Variants in SDCCAG8 observed in about 807,000 individuals in gnomAD.
SDCCAG8 encodes the protein SHH signaling and ciliogenesis regulator SDCCAG8, also known as serologically defined colon cancer antigen 8.
A neutral mutation model predicts 101.8 loss-of-function variants in SDCCAG8; 74 were observed. The observed-to-expected ratio is 0.73, with a 90% CI of 0.60 to 0.88. SDCCAG8 has a LOEUF of 0.88. SDCCAG8 is among the 40% of genes least tolerant of loss of function. The pLI is 0.00. For missense variants in SDCCAG8, 787 were observed against 822.6 expected (o/e 0.96, Z 0.53); for synonymous variants, 281 against 292.9 (o/e 0.96, Z 0.41).
chr1:243,496,403 T>C (rs1417366784), intron 17 of SDCCAG8, among the ~76,000 whole-genome samples: 1 of 152,178 alleles, frequency 6.6e-6, no homozygotes, highest in Non-Finnish European at 1.5e-5. Context: ...AGGGCCAGCT[T>C]TGAAATGCCC....
intron 6 of SDCCAG8, among the ~76,000 whole-genome samples, chr1:243,298,444 G>A (rs755798992): frequency 2.6e-4 from 34 of 128,708 alleles, no homozygotes; most frequent in Non-Finnish European, 4.5e-4. Flanking sequence ...TGCAGCCTCC[G>A]CCTCCCGGGT....
intron 8 of SDCCAG8, among the ~76,000 whole-genome samples, chr1:243,310,451 C>A (rs530910912): frequency 1.3e-5 from 2 of 152,082 alleles, no homozygotes; most frequent in East Asian, 3.9e-4. Flanking sequence ...AAAAATTTGC[C>A]TGTTTATATT....
intron 17 of SDCCAG8, among the ~76,000 whole-genome samples, chr1:243,495,955 G>A (rs747310861): frequency 3.0e-4 from 46 of 152,256 alleles, no homozygotes; most frequent in African/African-American, 8.4e-4. Flanking sequence ...TCAGCTCTGC[G>A]TTGCTTCAGA....
At chr1:243,266,785 A>AAAAAAAG (rs1315574560) in intron 1 of SDCCAG8, among the ~76,000 whole-genome samples, 5,872 of 148,284 alleles carry the variant, frequency 0.04, 271 homozygotes, top group African/African-American at 0.11. Flanking sequence ...ACAAAAAAAA[A>AAAAAAAG]AAAAGAAATT....
intron 1 of SDCCAG8, among the ~76,000 whole-genome samples, chr1:243,265,590 A>G (rs2067517809): frequency 6.6e-6 from 1 of 152,180 alleles, no homozygotes. Context: ...AGGTGGGTGG[A>G]TCACCTGAGG....
At chr1:243,344,424 G>T in intron 12 of SDCCAG8, 93 bp downstream of exon 12, 1 of 1,019,858 alleles carries the variant, frequency 9.8e-7, no homozygotes, top group Non-Finnish European at 1.5e-6. Context: ...TTATTTATTT[G>T]TATTGTTTCT....
chr1:243,460,087 G>A (rs960773937), intron 16 of SDCCAG8, among the ~76,000 whole-genome samples: 25 of 151,946 alleles, frequency 1.6e-4, no homozygotes, highest in Non-Finnish European at 8.8e-5. Flanking sequence ...CTGTTACCAT[G>A]GCAATATTAA....
chr1:243,364,238 G>T (rs1275889718), intron 12 of SDCCAG8, among the ~76,000 whole-genome samples: 1 of 152,084 alleles, frequency 6.6e-6, no homozygotes, highest in African/African-American at 2.4e-5. Flanking sequence ...AGGTTAAATT[G>T]TCCAGTTTTC....
chr1:243,372,960 A>C (rs975254050), intron 12 of SDCCAG8, among the ~76,000 whole-genome samples: 11 of 146,254 alleles, frequency 7.5e-5, no homozygotes, highest in African/African-American at 1.5e-4. Context: ...CTATCTATAT[A>C]TATATCTTAA....
chr1:243,443,454 AGGATGGG>A (rs1176179842), intron 16 of SDCCAG8, among the ~76,000 whole-genome samples: 2 of 152,180 alleles, frequency 1.3e-5, no homozygotes, highest in Non-Finnish European at 2.9e-5. Context: ...AAGGTTGCAT[AGGATGGG>A]GGCCATGTGC....
chr1:243,386,863 T>A (rs2078338365), intron 13 of SDCCAG8, among the ~76,000 whole-genome samples: 1 of 152,232 alleles, frequency 6.6e-6, no homozygotes, highest in African/African-American at 2.4e-5. Flanking sequence ...GCTTGAATTT[T>A]TCCTAAGAAA....
At chr1:243,270,303 T>C in intron 2 of SDCCAG8, 46 bp downstream of exon 2, 1 of 1,547,172 alleles carries the variant, frequency 6.5e-7, no homozygotes, top group Admixed American at 1.7e-5. Flanking sequence ...ATAGTGAATT[T>C]TTTAAACTCC....
intron 6 of SDCCAG8, among the ~76,000 whole-genome samples, chr1:243,294,540 C>T (rs933090135): frequency 5.0e-4 from 21 of 42,110 alleles, no homozygotes; most frequent in Middle Eastern, 0.024. Context: ...ACCCACCTCT[C>T]CCAGTCTTTT....
chr1:243,268,468 G>C (rs913511049), intron 1 of SDCCAG8, among the ~76,000 whole-genome samples: 2 of 152,162 alleles, frequency 1.3e-5, no homozygotes, highest in African/African-American at 4.8e-5. Context: ...GTTTTCATTA[G>C]TAATCAGCGC....
chr1:243,318,944 A>T (rs2073508857), intron 9 of SDCCAG8, among the ~76,000 whole-genome samples: 1 of 152,166 alleles, frequency 6.6e-6, no homozygotes, highest in South Asian at 2.1e-4. Context: ...GGTAATTTAT[A>T]AAGAGAAGTA....
chr1:243,278,534 T>G (rs1170342901), intron 4 of SDCCAG8, among the ~76,000 whole-genome samples: 2 of 152,190 alleles, frequency 1.3e-5, no homozygotes, highest in African/African-American at 4.8e-5. Flanking sequence ...TTTTATTTTT[T>G]AGTGTAATGG....
intron 12 of SDCCAG8, among the ~76,000 whole-genome samples, chr1:243,369,986 T>C (rs2077197120): frequency 6.6e-6 from 1 of 152,126 alleles, no homozygotes; most frequent in Non-Finnish European, 1.5e-5. Flanking sequence ...GTAATCTGAA[T>C]CTACCTCTCC....
chr1:243,409,311 G>C (rs1055578532), intron 13 of SDCCAG8, among the ~76,000 whole-genome samples: 1 of 152,086 alleles, frequency 6.6e-6, no homozygotes. Context: ...GGGAGACAAG[G>C]TTCTATGTAT....
intron 10 of SDCCAG8, among the ~76,000 whole-genome samples, chr1:243,339,697 AG>A (rs1450274000): frequency 6.6e-6 from 1 of 152,218 alleles, no homozygotes; most frequent in Admixed American, 6.5e-5. Context: ...TGTAGTTCGA[AG>A]GCAGACACCT....
Sources: allele counts gnomAD v4.1 joint callset (sites outside exome capture counted in the v4.1 genomes callset), GRCh38; gene constraint gnomAD v4.1.1; transcripts MANE v1.5; gene names NCBI Gene and HGNC (gene_info 2026-07-23, HGNC 2026-07-21).